Variants in IGFN1 observed in about 807,000 individuals in gnomAD.
IGFN1 encodes the protein immunoglobulin like and fibronectin type III domain containing 1, also known as immunoglobulin-like and fibronectin type III domain-containing protein 1.
A neutral mutation model predicts 289.5 loss-of-function variants in IGFN1; 253 were observed. The ratio of observed to expected loss-of-function variants is 0.87; its 90% CI spans 0.79 to 0.97. The LOEUF is 0.97. IGFN1 is among the 50% of genes least tolerant of loss of function. The probability of loss-of-function intolerance (pLI) is 0.00; values close to 1 mark genes in which losing one functional copy is unlikely to be tolerated. For missense variants in IGFN1, 4,470 were observed against 4,686.1 expected (o/e 0.95, Z 1.35); for synonymous variants, 1,706 against 1,788.5 (o/e 0.95, Z 1.16).
In IGFN1 at chr1:201,205,227, T is replaced by C. The variant is rs1667350401; in HGVS notation, c.1062T>C (p.Tyr354=). 3.2e-6 allele frequency: 5 copies of C among 1,550,912 alleles called. No individual in the cohort carries two copies. The Admixed American group carries it at 5.9e-5, about 18-fold the overall frequency. ...RHRLLHPSDK[Y]EVYVSPDGLT... ...GGCTACTCCACCCCAGTGACAAATA[T>C]GAAGTGTATGTGTCCCCTGACGGGC... The change falls in exon 11 of 24, where the codon TAT becomes TAC. Residue 354 remains tyrosine, a synonymous_variant. Coordinates refer to ENST00000335211, the MANE Select transcript of IGFN1 (RefSeq NM_001164586.2).
intron 21 of IGFN1, among the ~76,000 whole-genome samples, chr1:201,225,269 T>A (rs1380333051): frequency 1.3e-5 from 2 of 152,198 alleles, no homozygotes. Context: ...GCCCCTGCCC[T>A]GGAGGAGCTT....
chr1:201,216,243 G>T, intron 15 of IGFN1: 1 of 601,804 alleles, frequency 1.7e-6, no homozygotes, highest in Non-Finnish European at 3.0e-6. Context: ...GGGTGCATGT[G>T]TGTGTTGGGG....
At position 201,225,872 on chromosome 1, in the gene IGFN1, G is replaced by A. The variant is rs774441576; in HGVS notation, c.10535G>A (p.Gly3512Glu). ...GPIHLQENVP[G>E]TVTAEWEPSP... ...ATCCACCTGCAGGAGAACGTGCCTG[G>A]GACGGTGACGGCCGAGTGGGAACCC... Residue 3512 changes from glycine (G) to glutamate (E), a missense_variant, in exon 22 of 24, where the codon GGG (glycine) becomes GAG (glutamate). Coordinates refer to ENST00000335211, the MANE Select transcript of IGFN1 (RefSeq NM_001164586.2). The A allele has an allele frequency of 6.2e-7, 1 of 1,613,162 alleles. No individual in the cohort carries two copies. The highest frequency in any genetic ancestry group is 1.1e-5 in the South Asian group (1 of 90,990).
At position 201,206,048 on chromosome 1, in the gene IGFN1, C is replaced by T. The variant is rs972401776; in HGVS notation, c.1190-35C>T. Reference sequence around the variant, plus strand: ...ATTTTCTCTTGTCTCTCCATGTGGGCACTGACCTTCCATATGAATAACCCC... The same window carrying T: ...ATTTTCTCTTGTCTCTCCATGTGGGTACTGACCTTCCATATGAATAACCCC... On this transcript the variant is annotated intron_variant, in intron 11 of 23. Coordinates refer to ENST00000335211, the MANE Select transcript of IGFN1 (RefSeq NM_001164586.2). The T allele has an allele frequency of 2.9e-6, 4 of 1,368,964 alleles. No homozygotes were observed. The African/African-American group carries it at 5.8e-5, about 20-fold the overall frequency. The allele number at this position is 1,368,964 out of a possible 1,614,324, so 84.8% of individuals were successfully genotyped here.
In IGFN1 at chr1:201,211,924, C is replaced by G. The variant is rs1489343528; in HGVS notation, c.7031C>G (p.Ser2344Ter). Residue 2344 changes from serine (S) to a stop codon, truncating the protein, a stop_gained, in exon 12 of 24, where the codon TCA becomes TGA. Coordinates refer to ENST00000335211, the MANE Select transcript of IGFN1 (RefSeq NM_001164586.2). LOFTEE classifies it high-confidence loss of function. Reference protein sequence around the residue: ...SGSEVSYRGGSGGSGETGPEG... With the variant: ...SGSEVSYRGG ...AGTGAGGTCAGTTATAGAGGAGGCT[C>G]AGGAGGATCTGGGGAAACGGGACCA... The G allele has an allele frequency of 2.6e-6, 4 of 1,526,730 alleles. No homozygotes were observed. In the African/African-American group the frequency reaches 5.5e-5, roughly 21 times the overall value. The allele number at this position is 1,526,730 out of a possible 1,614,324, so 94.6% of individuals were successfully genotyped here.
At chr1:201,222,016 C>T (rs1653770164) in intron 19 of IGFN1, 1 of 314,606 alleles carries the variant, frequency 3.2e-6, no homozygotes, top group Non-Finnish European at 5.8e-6. Flanking sequence ...GGTACTTTGC[C>T]CTAGTTGTCA....
At chr1:201,224,625 T>G in intron 20 of IGFN1, 54 bp from the exon 21 acceptor site, 1 of 1,503,698 alleles carries the variant, frequency 6.7e-7, no homozygotes, top group East Asian at 2.3e-5. Context: ...TGCCATCACC[T>G]CCATGAAACT....
chr1:201,226,997 C>T lies in IGFN1; in HGVS notation c.10902C>T (p.Ser3634=). The T allele has an allele frequency of 1.2e-6, 2 of 1,613,358 alleles. No homozygotes were observed. The highest frequency in any genetic ancestry group is 1.7e-6 in the Non-Finnish European group (2 of 1,180,010). The part of the protein sequence containing the change: ...LLPQGCECCM[S]CAVQGSPRPH... ...CCCAGGGCTGCGAGTGCTGCATGAGCTGTGCCGTGCAGGGCTCGCCCCGGC... is the reference window on the plus strand; with the variant it reads ...CCCAGGGCTGCGAGTGCTGCATGAGTTGTGCCGTGCAGGGCTCGCCCCGGC... The change falls in exon 23 of 24, where the codon AGC becomes AGT. Residue 3634 remains serine (S), a synonymous_variant. Coordinates refer to ENST00000335211, the MANE Select transcript of IGFN1 (RefSeq NM_001164586.2).
chr1:201,214,200 G>A lies in IGFN1; in HGVS notation c.8752G>A (p.Gly2918Ser), dbSNP rs551616993. 8.1e-6 allele frequency: 13 copies of A among 1,613,340 alleles called. 1 individual carries two copies. In the South Asian group the frequency reaches 1.2e-4, roughly 15 times the overall value. The change falls in exon 13 of 24, where the codon GGC becomes AGC. Residue 2918 changes from glycine (G) to serine (S), a missense_variant. Around this residue, in one of 8 missense-constraint regions of IGFN1, gnomAD observed 2,218 missense variants for 2,114.1 expected, o/e 1.05. Coordinates refer to ENST00000335211, the MANE Select transcript of IGFN1 (RefSeq NM_001164586.2). ...AGGCCCCATGGGCCACTTCTCCCAG[G>A]GCCTGGCTGACATGGAAGTGCAGCC... ...AQGPMGHFSQ[G>S]LADMEVQPGE... is the part of the protein sequence containing the mutation.
In IGFN1 at chr1:201,211,739, T is replaced by G. The variant is rs1558149442; in HGVS notation, c.6846T>G (p.Asp2282Glu). ...GTTCTGGAAAAATCAGTTCAGGGGA[T>G]GAGGCAGGTTATAAGAATGTTTTAG... ...LGSSGKISSGDEAGYKNVLGG... is the reference protein window; with the variant it reads ...LGSSGKISSGEEAGYKNVLGG... The change falls in exon 12 of 24, where the codon GAT (aspartate) becomes GAG (glutamate). Residue 2282 changes from aspartate to glutamate, a missense_variant. Asp to Glu is a conservative substitution (Grantham distance 45). This residue lies in a region of IGFN1 where 2,218 missense variants were observed against 2,114.1 expected (regional missense o/e 1.05). Coordinates refer to ENST00000335211, the MANE Select transcript of IGFN1 (RefSeq NM_001164586.2). 1 of 1,536,830 alleles carries G rather than the reference T, an allele frequency of 6.5e-7. No homozygotes were observed. Among genetic ancestry groups the G allele is most frequent in the Non-Finnish European group, 8.7e-7 (1 of 1,146,816 alleles).
At chr1:201,213,745 C>A in intron 12 of IGFN1, 124 bp downstream of exon 12, 1 of 759,896 alleles carries the variant, frequency 1.3e-6, no homozygotes, top group Non-Finnish European at 2.1e-6. Context: ...CCTGCCAGTG[C>A]TCCCCATTCT....
chr1:201,197,138 C>A (rs1266385940), intron 4 of IGFN1, 80 bp from the exon 5 acceptor site: 2 of 831,670 alleles, frequency 2.4e-6, no homozygotes, highest in East Asian at 5.4e-5. Flanking sequence ...TCACTTTATA[C>A]CCCCAACACA....
At position 201,207,282 on chromosome 1, in the gene IGFN1, C is replaced by T; in HGVS notation, c.2389C>T (p.Gln797Ter). The change falls in exon 12 of 24, where the codon CAG (glutamine) becomes TAG (stop). Residue 797 changes from glutamine to a stop codon, truncating the protein, a stop_gained. Transcript: ENST00000335211. LOFTEE classifies it high-confidence loss of function. Reference sequence around the variant, plus strand: ...ACAGGAGCTCAGGGGAAGGGATGGCCAGGAAACAGCTTGGGCCTCGGGTGA... The same window carrying T: ...ACAGGAGCTCAGGGGAAGGGATGGCTAGGAAACAGCTTGGGCCTCGGGTGA... The part of the protein sequence containing the change: ...VLQELRGRDG[Q>*]ETAWASGEVE... The T allele has an allele frequency of 6.5e-7, 1 of 1,536,768 alleles. No individual in the cohort carries two copies. Among genetic ancestry groups the T allele is most frequent in the Non-Finnish European group, 8.7e-7 (1 of 1,146,896 alleles).
rs527246530 is a variant in IGFN1, at chr1:201,211,883, T to A, written c.6990T>A (p.Ser2330Arg). ...CTAGGCAAGGCTTTGGGGGAACTAG[T>A]GGCATGGGGTCAGGGAGTGAGGTCA... ...AGSRQGFGGTSGMGSGSEVSY... is the reference protein window; with the variant it reads ...AGSRQGFGGTRGMGSGSEVSY... The change falls in exon 12 of 24, where the codon AGT (serine) becomes AGA (arginine). Residue 2330 changes from serine to arginine, a missense_variant. Ser to Arg is a moderately radical substitution (Grantham distance 110, BLOSUM62 -1). This residue lies in a region of IGFN1 where 2,218 missense variants were observed against 2,114.1 expected (regional missense o/e 1.05). Coordinates refer to ENST00000335211, the MANE Select transcript of IGFN1 (RefSeq NM_001164586.2). 81 of 1,531,438 alleles carry A rather than the reference T, an allele frequency of 5.3e-5. No individual in the cohort carries two copies. The East Asian group carries it at 1.7e-3, about 31-fold the overall frequency. The allele number at this position is 1,531,438 out of a possible 1,614,324, so 94.9% of individuals were successfully genotyped here.
In IGFN1 at chr1:201,199,635, C is replaced by T. The variant is rs776138378; in HGVS notation, c.439C>T (p.Arg147Trp). Reference protein sequence around the residue: ...EDLRKELMDFRKLLKKRAPPA... With the variant: ...EDLRKELMDFWKLLKKRAPPA... ...CCTCAGGAAGGAGCTGATGGACTTC[C>T]GGAAGTTGCTGAAAAAGAGGTGGGT... The change falls in exon 7 of 24, where the codon CGG becomes TGG. Residue 147 changes from arginine to tryptophan, a missense_variant. Arg to Trp is a moderately radical substitution (Grantham distance 101). Coordinates refer to ENST00000335211, the MANE Select transcript of IGFN1 (RefSeq NM_001164586.2). 1.5e-5 allele frequency: 24 copies of T among 1,551,440 alleles called. No homozygotes were observed. The highest frequency in any genetic ancestry group is 9.8e-5 in the East Asian group (4 of 40,912).
rs1392931400 is a variant in IGFN1, at chr1:201,211,895, A to C, written c.7002A>C (p.Ser2334=). The C allele has an allele frequency of 1.3e-6, 2 of 1,529,756 alleles. No homozygotes were observed. Among genetic ancestry groups the C allele is most frequent in the Non-Finnish European group, 1.7e-6 (2 of 1,143,076 alleles). The allele number at this position is 1,529,756 out of a possible 1,614,324, so 94.8% of individuals were successfully genotyped here. A position where few individuals can be genotyped will look rare whatever the true frequency, so the allele number is the denominator to read the frequency against. Reference sequence around the variant, plus strand: ...TTGGGGGAACTAGTGGCATGGGGTCAGGGAGTGAGGTCAGTTATAGAGGAG... The same window carrying C: ...TTGGGGGAACTAGTGGCATGGGGTCCGGGAGTGAGGTCAGTTATAGAGGAG... ...QGFGGTSGMG[S]GSEVSYRGGS... The change falls in exon 12 of 24, where the codon TCA becomes TCC. Residue 2334 remains serine (S), a synonymous_variant. Transcript: ENST00000335211.
intron 12 of IGFN1, 32 bp from the exon 13 acceptor site, chr1:201,214,145 C>A (rs748320691): frequency 1.9e-6 from 3 of 1,574,822 alleles, no homozygotes; most frequent in Non-Finnish European, 2.6e-6. Flanking sequence ...CTGGGGCGCT[C>A]GGCCCTGGGG....
At chr1:201,215,207 T>C in intron 14 of IGFN1, 53 bp downstream of exon 14, 1 of 1,560,290 alleles carries the variant, frequency 6.4e-7, no homozygotes, top group Non-Finnish European at 8.7e-7. Context: ...AGTCTCTTTG[T>C]ACCAGGTGAT....
In IGFN1 at chr1:201,209,394, G is replaced by C. The variant is rs1289359108; in HGVS notation, c.4501G>C (p.Val1501Leu). 6.6e-7 allele frequency: 1 copy of C among 1,520,738 alleles called. No individual in the cohort carries two copies. The highest frequency in any genetic ancestry group is 8.8e-7 in the Non-Finnish European group (1 of 1,139,590). 94.2% of individuals were successfully genotyped at this position (1,520,738 alleles called of 1,614,324 possible). A position where few individuals can be genotyped will look rare whatever the true frequency, so the allele number is the denominator to read the frequency against. ...IEAGYRKDLG[V>L]SEGGGSGSKA... ...GGCAGGCTATAGGAAAGATTTGGGG[G>C]TTTCTGAGGGAGGGGGTTCAGGGAG... The change falls in exon 12 of 24, where the codon GTT (valine) becomes CTT (leucine). Residue 1501 changes from valine to leucine, a missense_variant. This residue lies in a region of IGFN1 where 2,011 missense variants were observed against 1,953.4 expected (regional missense o/e 1.03). Transcript: ENST00000335211.
Sources: allele counts gnomAD v4.1 joint callset (sites outside exome capture counted in the v4.1 genomes callset), GRCh38; gene constraint gnomAD v4.1.1; regional missense constraint gnomAD v4.1.1; transcripts MANE v1.5; gene names NCBI Gene and HGNC (gene_info 2026-07-23, HGNC 2026-07-21).